The following MYO1D variants were observed in gnomAD, a reference collection of about 807,000 sequenced individuals.
MYO1D encodes the protein unconventional myosin-Id.
A neutral mutation model predicts 122.0 loss-of-function variants in MYO1D; 83 were observed. The observed-to-expected ratio is 0.68, with a 90% CI of 0.57 to 0.82. The LOEUF (loss-of-function observed/expected upper bound fraction) is 0.82, where lower values mean the gene tolerates loss of function less well. Among genes scored for constraint, MYO1D ranks in the 40% least tolerant of loss-of-function variants. The probability of loss-of-function intolerance (pLI) is 0.00; values close to 1 mark genes in which losing one functional copy is unlikely to be tolerated. For missense variants in MYO1D, 1,157 were observed against 1,269.5 expected, an observed-to-expected ratio of 0.91 and a Z score of 1.35; for synonymous variants, 464 against 446.9, an observed-to-expected ratio of 1.04 and a Z score of -0.48.
chr17:32,725,033 A>C (rs2089555957), intron 14 of MYO1D, among the ~76,000 whole-genome samples: 1 of 152,232 alleles, frequency 6.6e-6, no homozygotes, highest in Non-Finnish European at 1.5e-5. Flanking sequence ...AGGTATCCAG[A>C]CACTGGAGTT....
At chr17:32,682,667 C>G (rs1382683558) in intron 16 of MYO1D, among the ~76,000 whole-genome samples, 1 of 106,130 alleles carries the variant, frequency 9.4e-6, no homozygotes, top group Admixed American at 8.6e-5. Context: ...CGACCTTTCT[C>G]TCTGGCTGCC....
intron 1 of MYO1D, among the ~76,000 whole-genome samples, chr17:32,842,248 G>A (rs1467811364): frequency 6.6e-6 from 1 of 152,110 alleles, no homozygotes; most frequent in African/African-American, 2.4e-5. Context: ...TTGTGGGTCT[G>A]AAGGAAGAAG....
At chr17:32,651,591 T>C (rs1176479623) in intron 19 of MYO1D, among the ~76,000 whole-genome samples, 1 of 152,150 alleles carries the variant, frequency 6.6e-6, no homozygotes, top group Non-Finnish European at 1.5e-5. Flanking sequence ...AACATTGTCT[T>C]TCCTTGCTTG....
At chr17:32,531,591 T>C (rs969225338) in intron 21 of MYO1D, 2 of 152,258 alleles carry the variant, frequency 1.3e-5, no homozygotes, top group Admixed American at 6.5e-5. Context: ...ATAAAGGCCA[T>C]TGCTTTTCCT....
chr17:32,867,282 C>T (rs934352139), intron 1 of MYO1D, among the ~76,000 whole-genome samples: 1 of 148,228 alleles, frequency 6.7e-6, no homozygotes, highest in Admixed American at 6.7e-5. Flanking sequence ...GCTGAGATCA[C>T]GCCACTGCAC....
At chr17:32,618,670 T>C (rs1202763897) in intron 20 of MYO1D, among the ~76,000 whole-genome samples, 1 of 151,318 alleles carries the variant, frequency 6.6e-6, no homozygotes, top group African/African-American at 2.4e-5. Context: ...AATCTTGCTC[T>C]GTTGCCCAGG....
intron 19 of MYO1D, among the ~76,000 whole-genome samples, chr17:32,645,871 G>A (rs927614324): frequency 2.0e-5 from 3 of 152,130 alleles, no homozygotes; most frequent in South Asian, 2.1e-4. Flanking sequence ...GCTCGGAGAA[G>A]TTTGATCATC....
intron 1 of MYO1D, among the ~76,000 whole-genome samples, chr17:32,784,850 G>A (rs968429236): frequency 1.3e-5 from 2 of 152,120 alleles, no homozygotes; most frequent in South Asian, 2.1e-4. Flanking sequence ...ATGGAGAACC[G>A]GAAGGTGGTT....
intron 15 of MYO1D, among the ~76,000 whole-genome samples, chr17:32,713,838 G>C (rs890673517): frequency 3.3e-5 from 5 of 151,984 alleles, no homozygotes. Context: ...TGGCCAGGCT[G>C]GTCTTGAACT....
chr17:32,822,789 C>G (rs1489244844), intron 1 of MYO1D, among the ~76,000 whole-genome samples: 1 of 151,634 alleles, frequency 6.6e-6, no homozygotes, highest in Non-Finnish European at 1.5e-5. Flanking sequence ...CGGCCGACCT[C>G]CGCTCGCGAC....
At chr17:32,631,479 C>CA (rs572858423) in intron 20 of MYO1D, among the ~76,000 whole-genome samples, 1 of 151,776 alleles carries the variant, frequency 6.6e-6, no homozygotes, top group African/African-American at 2.4e-5. Context: ...CCTGTCTCTA[C>CA]AAAAAAAATT....
At chr17:32,849,790 G>A (rs376686191) in intron 1 of MYO1D, among the ~76,000 whole-genome samples, 18 of 136,648 alleles carry the variant, frequency 1.3e-4, no homozygotes, top group African/African-American at 5.0e-4. Flanking sequence ...ATGTGCACAT[G>A]TACCCTAAAA....
At chr17:32,730,098 A>G (rs1323258570) in intron 14 of MYO1D, among the ~76,000 whole-genome samples, 1 of 148,386 alleles carries the variant, frequency 6.7e-6, no homozygotes, top group Non-Finnish European at 1.5e-5. Context: ...TTTTGGGGGC[A>G]GGGAGGATTC....
chr17:32,765,454 TTTTA>T (rs1036249674), intron 7 of MYO1D, among the ~76,000 whole-genome samples: 1 of 152,046 alleles, frequency 6.6e-6, no homozygotes, highest in South Asian at 2.1e-4. Flanking sequence ...AAACTTTTTA[TTTTA>T]TTTATTTATT....
intron 21 of MYO1D, among the ~76,000 whole-genome samples, chr17:32,508,954 G>A (rs1038895708): frequency 6.6e-6 from 1 of 152,214 alleles, no homozygotes; most frequent in South Asian, 2.1e-4. Context: ...CAAAATAGGA[G>A]TTCCATAAAT....
chr17:32,810,512 C>G (rs531247881), intron 1 of MYO1D, among the ~76,000 whole-genome samples: 2 of 149,976 alleles, frequency 1.3e-5, no homozygotes, highest in African/African-American at 4.9e-5. Flanking sequence ...GAGTCTCGCT[C>G]TATTGCCCAG....
intron 21 of MYO1D, among the ~76,000 whole-genome samples, chr17:32,582,917 T>C (rs928355956): frequency 6.6e-6 from 1 of 152,202 alleles, no homozygotes; most frequent in Admixed American, 6.5e-5. Flanking sequence ...AATTGTTTTT[T>C]AAAAAGATTT....
chr17:32,616,730 T>C (rs896300730), intron 20 of MYO1D, among the ~76,000 whole-genome samples: 18 of 152,196 alleles, frequency 1.2e-4, no homozygotes, highest in Non-Finnish European at 2.9e-5. Flanking sequence ...CATAGAAAGA[T>C]AGAGGTCTAT....
rs190651850 is a variant in MYO1D, at chr17:32,708,674, G to A, written c.2121+3314C>T. On this transcript the variant is annotated intron_variant, in intron 16 of 21. Transcript: ENST00000318217. ...TCCAAAAAAACATAATCAGTAGGTC[G>A]CACATAAGATACCCTGGAATGGTCT... is the stretch of plus-strand genomic sequence containing the variant. Among the ~76,000 whole-genome samples, 96 of 152,168 alleles carry A rather than the reference G, an allele frequency of 6.3e-4. No individual in the cohort carries two copies. In the Middle Eastern group the frequency reaches 0.01, roughly 16 times the overall value.
Sources: allele counts gnomAD v4.1 joint callset (sites outside exome capture counted in the v4.1 genomes callset), GRCh38; gene constraint gnomAD v4.1.1; transcripts MANE v1.5; gene names NCBI Gene and HGNC (gene_info 2026-07-23, HGNC 2026-07-21).